Variants in VILL observed in about 807,000 individuals in gnomAD.
VILL encodes villin-like protein.
In VILL, 102 loss-of-function variants were observed where a neutral mutation model predicts 106.3. That is an observed-to-expected ratio of 0.96 (90% CI 0.82 to 1.13). The LOEUF (loss-of-function observed/expected upper bound fraction) is 1.13, where lower values mean the gene tolerates loss of function less well. Ranked by LOEUF, VILL falls within the 50% of genes most tolerant of loss-of-function variation. The probability of loss-of-function intolerance (pLI) is 0.00; values close to 1 mark genes in which losing one functional copy is unlikely to be tolerated. For synonymous variants in VILL, 431 were observed against 440.3 expected, an observed-to-expected ratio of 0.98 and a Z score of 0.27; for missense variants, 1,076 against 1,116.6, an observed-to-expected ratio of 0.96 and a Z score of 0.52.
chr3:37,996,114 C>T lies in VILL; in HGVS notation c.450+267C>T, dbSNP rs79273742. 3.1e-3 allele frequency among the ~76,000 whole-genome samples: 469 copies of T among 152,246 alleles called. 2 individuals are homozygous for T. The highest frequency in any genetic ancestry group is 5.1e-3 in the Admixed American group (78 of 15,290). On this transcript the variant is annotated intron_variant, in intron 5 of 19. Coordinates refer to ENST00000383759, the MANE Select transcript of VILL (RefSeq NM_015873.4). ...ACTTGGGAGGCTGAGGCAGGAGGAT[C>T]GCCTGAGCCCAGGAGTGATTCATGA...
At position 37,998,391 on chromosome 3, in the gene VILL, G is replaced by T. The variant is rs1699746939; in HGVS notation, c.942+27G>T. Reference sequence around the variant, plus strand: ...TGAGCCCTGGGGCTCTGTCTGAGAGGAACAGAGCACTGCCCTGGGGTCTGA... The same window carrying T: ...TGAGCCCTGGGGCTCTGTCTGAGAGTAACAGAGCACTGCCCTGGGGTCTGA... On this transcript the variant is annotated intron_variant, in intron 9 of 19. Transcript: ENST00000383759. This position sits in a 1 kb window ranked among gnomAD's most constrained non-coding sequence, Gnocchi z 4.1. 1.9e-6 allele frequency: 3 copies of T among 1,605,714 alleles called. No homozygotes were observed. Among genetic ancestry groups the T allele is most frequent in the African/African-American group, 2.7e-5 (2 of 74,820 alleles).
At position 38,003,535 on chromosome 3, in the gene VILL, C is replaced by T. The variant is rs1205489999; in HGVS notation, c.1805+222C>T. 1.2e-5 allele frequency: 7 copies of T among 571,986 alleles called. No homozygotes were observed. In the East Asian group the frequency reaches 1.3e-4, roughly 10 times the overall value. The allele number at this position is 571,986 out of a possible 1,614,324, so 35.4% of individuals were successfully genotyped here. A position where few individuals can be genotyped will look rare whatever the true frequency, so the allele number is the denominator to read the frequency against. On this transcript the variant is annotated intron_variant, in intron 15 of 19. Transcript: ENST00000383759. ...ATGCTGGGGAGAGTGGGGGCAGTGG[C>T]GACCTCTGCTGGCAGCATCCCCTCC...
intron 11 of VILL, 67 bp from the exon 12 acceptor site, chr3:38,001,389 G>T: frequency 1.3e-6 from 2 of 1,589,440 alleles, no homozygotes; most frequent in Non-Finnish European, 1.7e-6. Context: ...TTTCCGGTTG[G>T]GTACAGGATG....
chr3:38,002,852 GA>G, intron 14 of VILL: 1 of 535,928 alleles, frequency 1.9e-6, no homozygotes, highest in Non-Finnish European at 3.3e-6. Flanking sequence ...GGTCTCTTGG[GA>G]AAAGGGGAGG....
rs1699822725 is a variant in VILL, at chr3:38,001,814, C to G, written c.1433C>G (p.Pro478Arg). 1 of 1,614,112 alleles carries G rather than the reference C, an allele frequency of 6.2e-7. No individual in the cohort carries two copies. Among genetic ancestry groups the G allele is most frequent in the African/African-American group, 1.3e-5 (1 of 74,920 alleles). ...VQEHVTMGSE[P>R]PHFLAIFQGQ... The stretch of plus-strand genomic sequence containing the variant: ...GAGCATGTGACCATGGGCAGCGAGC[C>G]CCCCCACTTCCTCGCCATCTTCCAG... The change falls in exon 13 of 20, where the codon CCC becomes CGC. Residue 478 changes from proline to arginine, a missense_variant. Pro to Arg is a moderately radical substitution (Grantham distance 103). Coordinates refer to ENST00000383759, the MANE Select transcript of VILL (RefSeq NM_015873.4).
rs757061120 is a variant in VILL at position 38,006,981 on chromosome 3, A to G, written c.2497A>G (p.Lys833Glu). 6.2e-7 allele frequency: 1 copy of G among 1,614,108 alleles called. No individual in the cohort carries two copies. The highest frequency in any genetic ancestry group is 1.1e-5 in the South Asian group (1 of 91,084). ...CTCTGACTTCCAAGATATCTTTGGG[A>G]AATCCAAGGAGGAATTCTACAGCAT... ...SDSDFQDIFG[K>E]SKEEFYSMAT... Residue 833 changes from lysine (K) to glutamate (E), a missense_variant, in exon 20 of 20, where the codon AAA becomes GAA. Physicochemically the swap from Lys to Glu is moderately conservative, Grantham distance 56 (BLOSUM62 1). Transcript: ENST00000383759.
At position 37,995,813 on chromosome 3, in the gene VILL, A is replaced by G. The variant is rs1345353379; in HGVS notation, c.416A>G (p.His139Arg). The G allele has an allele frequency of 6.2e-7, 1 of 1,613,894 alleles. No individual in the cohort carries two copies. Among genetic ancestry groups the G allele is most frequent in the Admixed American group, 1.7e-5 (1 of 60,024 alleles). Residue 139 changes from histidine to arginine, a missense_variant, in exon 5 of 20, where the codon CAC (histidine) becomes CGC (arginine). Physicochemically the swap from His to Arg is conservative, Grantham distance 29. Transcript: ENST00000383759. ...TNLFNIQRLL[H>R]IKGRKHVSAT... is the part of the protein sequence containing the mutation. ...TTGTTCAACATCCAGCGACTGCTGC[A>G]CATCAAAGGGAGGAAGCACGTGTCT...
At chr3:37,988,157 A>T (rs895213916), upstream of VILL, 81 of 152,330 alleles carry the variant, frequency 5.3e-4, no homozygotes, top group African/African-American at 1.9e-3. Context: ...GCTTCCAGGC[A>T]GAGAAGCCTG....
upstream of VILL, among the ~76,000 whole-genome samples, chr3:37,990,328 T>G (rs1342067516): frequency 2.6e-5 from 4 of 152,088 alleles, no homozygotes; most frequent in Non-Finnish European, 5.9e-5. The surrounding 1 kb of genome is among the most constrained non-coding windows in gnomAD (Gnocchi z 5.1). Flanking sequence ...CTGACCACCT[T>G]CCCCTCCTGA....
intron 11 of VILL, 44 bp downstream of exon 11, chr3:37,999,483 G>T: frequency 7.1e-7 from 1 of 1,416,362 alleles, no homozygotes; most frequent in Non-Finnish European, 9.3e-7. Flanking sequence ...GCACACGGAG[G>T]TAAGCTTTGC....
rs1699648132 is a variant in VILL, at chr3:37,993,842, G to A, written c.61-56G>A. The A allele has an allele frequency of 9.9e-6, 16 of 1,608,692 alleles. No homozygotes were observed. The East Asian group carries it at 3.6e-4, about 36-fold the overall frequency. On this transcript the variant is annotated intron_variant, in intron 2 of 19. Transcript: ENST00000383759. ...GAGCGTCCTCTTCCACCCCACCCCAGCGGGTGTCATGGGTAGAGGCCTCCT... is the reference window on the plus strand; with the variant it reads ...GAGCGTCCTCTTCCACCCCACCCCAACGGGTGTCATGGGTAGAGGCCTCCT...
rs139500166 is a variant in VILL at position 38,001,107 on chromosome 3, G to A, written c.1183-349G>A. On this transcript the variant is annotated intron_variant, in intron 11 of 19. Transcript: ENST00000383759. ...AGCTCCAAGGCTTCCCTTTCCGCCC[G>A]GCTTCTGTTGCCCTGGCCTGAGCAG... The A allele has an allele frequency of 3.7e-4, 189 of 511,576 alleles. 1 individual carries two copies. The highest frequency in any genetic ancestry group is 2.7e-3 in the African/African-American group (143 of 52,882). 31.7% of individuals were successfully genotyped at this position (511,576 alleles called of 1,614,324 possible).
At chr3:37,996,285 G>T (rs573992265) in intron 5 of VILL, among the ~76,000 whole-genome samples, 2 of 152,102 alleles carry the variant, frequency 1.3e-5, no homozygotes, top group Non-Finnish European at 2.9e-5. Flanking sequence ...GCATAACCTC[G>T]CACTCTCTCA....
In VILL at chr3:37,998,193, C is replaced by T. The variant is rs1205828182; in HGVS notation, c.843+25C>T. 1 of 1,614,010 alleles carries T rather than the reference C, an allele frequency of 6.2e-7. No individual in the cohort carries two copies. The highest frequency in any genetic ancestry group is 1.3e-5 in the African/African-American group (1 of 75,054). ...GGTGAGGAAGGCCTGGCCCCAGCTACTTGCATCCTTCCCCATCCACAACCC... is the reference window on the plus strand; with the variant it reads ...GGTGAGGAAGGCCTGGCCCCAGCTATTTGCATCCTTCCCCATCCACAACCC... On this transcript the variant is annotated intron_variant, in intron 8 of 19. Transcript: ENST00000383759. This position sits in a 1 kb window ranked among gnomAD's most constrained non-coding sequence, Gnocchi z 4.1.
chr3:38,006,296 C>T (rs1559368444), intron 18 of VILL, 44 bp downstream of exon 18: 12 of 1,613,828 alleles, frequency 7.4e-6, no homozygotes, highest in Non-Finnish European at 9.3e-6. Context: ...GGCCTGGGCT[C>T]CGACAGCATG....
intron 5 of VILL, 103 bp downstream of exon 5, chr3:37,995,950 A>T: frequency 1.2e-6 from 1 of 865,240 alleles, no homozygotes; most frequent in Middle Eastern, 2.9e-4. Flanking sequence ...GGGAACAAGG[A>T]GCTGTCAGCA....
chr3:38,005,791 G>T lies in VILL; in HGVS notation c.1951-1G>T, dbSNP rs1699907208. ...AAGGCCAGGTCCCCTCTGTGGCTCA[G>T]ATCTTCCTGTGGCTTGGGGAAGCTG... On this transcript the variant is annotated splice_acceptor_variant, in intron 16 of 19. Coordinates refer to ENST00000383759, the MANE Select transcript of VILL (RefSeq NM_015873.4). LOFTEE classifies it high-confidence loss of function. 2 of 1,607,882 alleles carry T rather than the reference G, an allele frequency of 1.2e-6. No individual in the cohort carries two copies. Among genetic ancestry groups the T allele is most frequent in the Non-Finnish European group, 1.7e-6 (2 of 1,176,864 alleles).
At chr3:38,005,710 A>C in intron 16 of VILL, 82 bp from the exon 17 acceptor site, 6 of 1,467,646 alleles carry the variant, frequency 4.1e-6, no homozygotes, top group Non-Finnish European at 5.5e-6. Context: ...GTCTGGGACA[A>C]CTGGACAGGG....
chr3:37,997,193 T>C lies in VILL; in HGVS notation c.561+6T>C. ...GCATTTCTGAGAAGGCTCGGGTCAGTGTCTGCCCAAGGAACTGGGGAGTAC... is the reference window on the plus strand; with the variant it reads ...GCATTTCTGAGAAGGCTCGGGTCAGCGTCTGCCCAAGGAACTGGGGAGTAC... On this transcript the variant is annotated splice_donor_region_variant and intron_variant, in intron 6 of 19. Transcript: ENST00000383759. This position sits in a 1 kb window ranked among gnomAD's most constrained non-coding sequence, Gnocchi z 4.7. The C allele has an allele frequency of 1.2e-6, 2 of 1,613,762 alleles. No individual in the cohort carries two copies. The highest frequency in any genetic ancestry group is 1.7e-6 in the Non-Finnish European group (2 of 1,179,720).
Sources: gnomAD v4.1 joint callset for allele counts (sites outside exome capture counted in the v4.1 genomes callset) on GRCh38, gnomAD v4.1.1 for gene constraint, Gnocchi (gnomAD v3.1) non-coding constraint, MANE v1.5 for transcripts, NCBI Gene and HGNC (gene_info 2026-07-23, HGNC 2026-07-21) for gene names.